The following TSLP variants were observed in gnomAD, a reference collection of about 807,000 sequenced individuals.
The protein encoded by TSLP is thymic stromal lymphopoietin, also known as thymic stroma-derived lymphopoietin.
Under a neutral mutation model 12.4 loss-of-function variants are expected in TSLP, and 12 were observed. The ratio of observed to expected loss-of-function variants is 0.97; its 90% CI spans 0.62 to 1.57. The LOEUF (loss-of-function observed/expected upper bound fraction) is 1.57. Ranked by LOEUF, TSLP falls within the 40% of genes most tolerant of loss-of-function variation. TSLP has a pLI of 0.00. For missense variants in TSLP, 222 were observed against 189.6 expected, an observed-to-expected ratio of 1.17 and a Z score of -1.00; for synonymous variants, 97 against 69.5, an observed-to-expected ratio of 1.40 and a Z score of -1.97.
Position 111,072,873 on chromosome 5 carries a change from T to C in TSLP, c.172-15T>C. On this transcript the variant is annotated splice_polypyrimidine_tract_variant and intron_variant, in intron 1 of 3. Transcript: ENST00000344895. Reference sequence around the variant, plus strand: ...AAAGTCTTTACCCTCTTTGTCCTATTTTTCTTTCTTCCAGACCAAAAGTAC... The same window carrying C: ...AAAGTCTTTACCCTCTTTGTCCTATCTTTCTTTCTTCCAGACCAAAAGTAC... The C allele has an allele frequency of 1.5e-5, 25 of 1,614,120 alleles. No individual in the cohort carries two copies. The highest frequency in any genetic ancestry group is 2.1e-5 in the Non-Finnish European group (25 of 1,179,934).
chr5:111,074,650 A>G (rs1197801340), intron 3 of TSLP, among the ~76,000 whole-genome samples: 6 of 64,232 alleles, frequency 9.3e-5, no homozygotes, highest in Admixed American at 8.1e-4. Flanking sequence ...TTTTTTTTTG[A>G]GACAGAATCT....
Position 111,073,496 on chromosome 5 carries a change from G to A in TSLP, c.217-15G>A, listed in dbSNP as rs377628133. 1 of 1,613,310 alleles carries A rather than the reference G, an allele frequency of 6.2e-7. No homozygotes were observed. On this transcript the variant is annotated splice_polypyrimidine_tract_variant and intron_variant, in intron 2 of 3. Transcript: ENST00000344895. ...GTTTTCTCCTTTTCTCGTAAACTTT[G>A]CCGCCTATGAGCAGCCACATTGCCT...
In TSLP at chr5:111,076,778, A is replaced by G. The variant is rs1163011544; in HGVS notation, c.*704A>G. ...TTGACACTATATATTTCTTAATAAA[A>G]TAATTCTCAAATTTGTTTCTTATGA... On this transcript the variant is annotated 3_prime_UTR_variant, in exon 4 of 4. Coordinates refer to ENST00000344895, the MANE Select transcript of TSLP (RefSeq NM_033035.5). 5 of 152,344 alleles carry G rather than the reference A, an allele frequency of 3.3e-5. No individual in the cohort carries two copies. The highest frequency in any genetic ancestry group is 5.9e-5 in the Non-Finnish European group (4 of 68,028). The allele number at this position is 152,344 out of a possible 1,614,324, so 9.4% of individuals were successfully genotyped here. A position where few individuals can be genotyped will look rare whatever the true frequency, so the allele number is the denominator to read the frequency against.
chr5:111,077,223 A>G lies in TSLP; in HGVS notation c.*1149A>G, dbSNP rs374037798. 7 of 152,366 alleles carry G rather than the reference A, an allele frequency of 4.6e-5. 1 individual carries two copies. The highest frequency in any genetic ancestry group is 1.9e-4 in the East Asian group (1 of 5,184). The allele number at this position is 152,366 out of a possible 1,614,324, so 9.4% of individuals were successfully genotyped here. A position where few individuals can be genotyped will look rare whatever the true frequency, so the allele number is the denominator to read the frequency against. On this transcript the variant is annotated 3_prime_UTR_variant, in exon 4 of 4. Transcript: ENST00000344895. ...ATGCACTGATTTTTCCTAGGAGTAG[A>G]CATGTTCCTCTAATTACTCCCTGAG...
rs1489962509 is a variant in TSLP at position 111,076,411 on chromosome 5, A to G, written c.*337A>G. 1 of 230,290 alleles carries G rather than the reference A, an allele frequency of 4.3e-6. No homozygotes were observed. The highest frequency in any genetic ancestry group is 2.3e-5 in the African/African-American group (1 of 42,722). 14.3% of individuals were successfully genotyped at this position (230,290 alleles called of 1,614,324 possible). A position where few individuals can be genotyped will look rare whatever the true frequency, so the allele number is the denominator to read the frequency against. On this transcript the variant is annotated 3_prime_UTR_variant, in exon 4 of 4. Transcript: ENST00000344895. ...TGAAAAAGGAAAAATATTGAACTCA[A>G]TGATAGCACCTAAACTTACATTTAA...
intron 1 of TSLP, 145 bp downstream of exon 1, chr5:111,072,206 T>C (rs1374711490): frequency 1.4e-6 from 1 of 709,452 alleles, no homozygotes; most frequent in Non-Finnish European, 2.2e-6. Flanking sequence ...TTACAAGTGA[T>C]ATTCAAATAT....
upstream of TSLP, chr5:111,071,484 A>T: frequency 6.5e-7 from 1 of 1,547,952 alleles, no homozygotes; most frequent in Non-Finnish European, 8.7e-7. Flanking sequence ...ATTCACACTT[A>T]TGAAGTGTTT....
chr5:111,077,008 A>G lies in TSLP; in HGVS notation c.*934A>G, dbSNP rs1277476476. Reference sequence around the variant, plus strand: ...CATCCTTTTCTTAAATTATGTCACTAGTCTTTTATTTTTTCCCCTCTTGAA... The same window carrying G: ...CATCCTTTTCTTAAATTATGTCACTGGTCTTTTATTTTTTCCCCTCTTGAA... On this transcript the variant is annotated 3_prime_UTR_variant, in exon 4 of 4. Coordinates refer to ENST00000344895, the MANE Select transcript of TSLP (RefSeq NM_033035.5). The G allele has an allele frequency of 6.6e-6, 1 of 152,166 alleles. No homozygotes were observed. Among genetic ancestry groups the G allele is most frequent in the Admixed American group, 6.5e-5 (1 of 15,288 alleles). 9.4% of individuals were successfully genotyped at this position (152,166 alleles called of 1,614,324 possible).
chr5:111,075,231 A>T (rs201447675), intron 3 of TSLP, among the ~76,000 whole-genome samples: 2 of 152,084 alleles, frequency 1.3e-5, no homozygotes, highest in South Asian at 2.1e-4. Flanking sequence ...TTTTTTTAAG[A>T]TTTGTGCTTA....
In TSLP at chr5:111,077,766, A is replaced by G. The variant is rs1291345272; in HGVS notation, c.*1692A>G. 6.6e-6 allele frequency: 1 copy of G among 152,616 alleles called. No individual in the cohort carries two copies. The allele number at this position is 152,616 out of a possible 1,614,324, so 9.5% of individuals were successfully genotyped here. A position where few individuals can be genotyped will look rare whatever the true frequency, so the allele number is the denominator to read the frequency against. ...TTCTGCTTTATCTTTAAAAATTTGT[A>G]TAATTTATATATTTTATTCTATGTG... On this transcript the variant is annotated 3_prime_UTR_variant, in exon 4 of 4. Coordinates refer to ENST00000344895, the MANE Select transcript of TSLP (RefSeq NM_033035.5).
chr5:111,071,367 T>C (rs1752333554), upstream of TSLP: 1 of 1,398,104 alleles, frequency 7.2e-7, no homozygotes, highest in Middle Eastern at 1.8e-4. Flanking sequence ...GGACTCCAAA[T>C]CCTTACAGTG....
Position 111,076,257 on chromosome 5 carries a change from A to G in TSLP, c.*183A>G, listed in dbSNP as rs900082873. ...AAGTTTATAATGCAGGGGAAGTACT[A>G]CTCCTCAAATGTTGAGGGAAGCTTC... On this transcript the variant is annotated 3_prime_UTR_variant, in exon 4 of 4. Transcript: ENST00000344895. 7 of 652,850 alleles carry G rather than the reference A, an allele frequency of 1.1e-5. No individual in the cohort carries two copies. The allele number at this position is 652,850 out of a possible 1,614,324, so 40.4% of individuals were successfully genotyped here.
intron 2 of TSLP, 43 bp from the exon 3 acceptor site, chr5:111,073,468 G>T (rs1752399944): frequency 6.2e-7 from 1 of 1,612,570 alleles, no homozygotes; most frequent in Non-Finnish European, 8.5e-7. Flanking sequence ...TTCTCTCTCT[G>T]GTGTTTTCTC....
chr5:111,076,078 A>G lies in TSLP; in HGVS notation c.*4A>G, dbSNP rs763312329. The G allele has an allele frequency of 2.5e-6, 4 of 1,613,728 alleles. 1 individual carries two copies. The highest frequency in any genetic ancestry group is 3.4e-6 in the Non-Finnish European group (4 of 1,179,880). On this transcript the variant is annotated 3_prime_UTR_variant, in exon 4 of 4. Transcript: ENST00000344895. ...ACCTTTACTGAAACAACAGTAAACC[A>G]TCTTTATTATGGTCATATTTCACAG...
intron 2 of TSLP, 84 bp from the exon 3 acceptor site, chr5:111,073,427 C>T (rs1395254907): frequency 8.8e-6 from 14 of 1,590,086 alleles, no homozygotes; most frequent in Non-Finnish European, 1.2e-5. Flanking sequence ...ACCTTCCTCC[C>T]CTCCCCTTTC....
At position 111,071,736 on chromosome 5, in the gene TSLP, C is replaced by A. The variant is rs765036707; in HGVS notation, c.-155C>A. 10 of 1,221,826 alleles carry A rather than the reference C, an allele frequency of 8.2e-6. 1 individual carries two copies. In the South Asian group the frequency reaches 1.4e-4, roughly 17 times the overall value. 75.7% of individuals were successfully genotyped at this position (1,221,826 alleles called of 1,614,324 possible). On this transcript the variant is annotated 5_prime_UTR_variant, in exon 1 of 4. Transcript: ENST00000344895. Reference sequence around the variant, plus strand: ...GCATCAGGGAGACTCCAACTTAAGGCAACAGCATGGGTGAATAAGGGCTTC... The same window carrying A: ...GCATCAGGGAGACTCCAACTTAAGGAAACAGCATGGGTGAATAAGGGCTTC...
At chr5:111,072,233 A>G (rs1428336495) in intron 1 of TSLP, among the ~76,000 whole-genome samples, 172 bp downstream of exon 1, 2 of 152,342 alleles carry the variant, frequency 1.3e-5, no homozygotes, top group Admixed American at 1.3e-4. Flanking sequence ...TAAAATGATT[A>G]TCTAGAAATT....
chr5:111,070,942 G>A (rs1752325942), upstream of TSLP: 1 of 152,942 alleles, frequency 6.5e-6, no homozygotes, highest in East Asian at 1.9e-4. Flanking sequence ...CCTTAAGAGT[G>A]GGACTGTGAA....
intron 3 of TSLP, among the ~76,000 whole-genome samples, chr5:111,075,419 C>G (rs1218276572): frequency 2.6e-5 from 4 of 152,108 alleles, no homozygotes; most frequent in South Asian, 2.1e-4. Context: ...CAGGAGCATG[C>G]ATTTTGGGTC....
Sources: gnomAD v4.1 joint callset for allele counts (sites outside exome capture counted in the v4.1 genomes callset) on GRCh38, gnomAD v4.1.1 for gene constraint, MANE v1.5 for transcripts, NCBI Gene and HGNC (gene_info 2026-07-23, HGNC 2026-07-21) for gene names.